The following CALCRL variants were observed in gnomAD, a reference collection of about 807,000 sequenced individuals.
CALCRL encodes calcitonin receptor like receptor.
CALCRL carries 27 observed loss-of-function variants against 60.4 expected under a neutral mutation model. The observed-to-expected ratio is 0.45, with a 90% CI of 0.33 to 0.62. CALCRL has a LOEUF of 0.62. Among genes scored for constraint, CALCRL ranks in the 20% least tolerant of loss-of-function variants. CALCRL has a pLI of 0.03. For missense variants in CALCRL, 424 were observed against 540.7 expected, an observed-to-expected ratio of 0.78 and a Z score of 2.14; for synonymous variants, 190 against 182.6, an observed-to-expected ratio of 1.04 and a Z score of -0.33.
intron 1 of CALCRL, among the ~76,000 whole-genome samples, chr2:187,408,795 TA>T (rs1214352171): frequency 6.6e-6 from 1 of 152,092 alleles, no homozygotes; most frequent in Non-Finnish European, 1.5e-5. Context: ...CAGCCAGAGT[TA>T]AAAAATAGCT....
chr2:187,378,799 ATCAACTTATT>A (rs1373802036), intron 8 of CALCRL, 131 bp downstream of exon 8: 105 of 541,222 alleles, frequency 1.9e-4, no homozygotes, highest in African/African-American at 1.7e-3. Flanking sequence ...CAAAGCTAAG[ATCAACTTATT>A]TCAACTTATT....
chr2:187,351,365 C>A (rs1218283057), intron 14 of CALCRL, among the ~76,000 whole-genome samples: 3 of 151,598 alleles, frequency 2.0e-5, no homozygotes, highest in African/African-American at 7.3e-5. Context: ...GGATAAAAAT[C>A]TAGAAGTACT....
rs1688266771 is a variant in CALCRL, at chr2:187,387,744, C to T, written c.-280G>A. 2 of 396,702 alleles carry T rather than the reference C, an allele frequency of 5.0e-6. No individual in the cohort carries two copies. Among genetic ancestry groups the T allele is most frequent in the Non-Finnish European group, 8.9e-6 (2 of 225,012 alleles). The allele number at this position is 396,702 out of a possible 1,614,324, so 24.6% of individuals were successfully genotyped here. Reference sequence around the variant, plus strand: ...ATTGTCTTTAAGAATTTCTTAAATTCAGGGGTCAAGACCTGAAATATTGAT... The same window carrying T: ...ATTGTCTTTAAGAATTTCTTAAATTTAGGGGTCAAGACCTGAAATATTGAT... On this transcript the variant is annotated 5_prime_UTR_variant, in exon 2 of 15. Coordinates refer to ENST00000392370, the MANE Select transcript of CALCRL (RefSeq NM_005795.6).
chr2:187,389,069 C>CTTTT (rs35822000), intron 1 of CALCRL, among the ~76,000 whole-genome samples: 13 of 140,130 alleles, frequency 9.3e-5, no homozygotes, highest in Non-Finnish European at 1.5e-4. Flanking sequence ...ACTTCTTCTT[C>CTTTT]TTTTTTTTTT....
intron 8 of CALCRL, among the ~76,000 whole-genome samples, chr2:187,376,898 G>A (rs1341256603): frequency 6.6e-6 from 1 of 152,062 alleles, no homozygotes; most frequent in Non-Finnish European, 1.5e-5. Flanking sequence ...ACTTTCAGCT[G>A]TATTAGTTTT....
chr2:187,441,321 A>C (rs1178519693), intron 1 of CALCRL, among the ~76,000 whole-genome samples: 1 of 152,054 alleles, frequency 6.6e-6, no homozygotes, highest in African/African-American at 2.4e-5. Flanking sequence ...AGACATTAAG[A>C]GATCTGATTT....
At chr2:187,364,726 C>CTA (rs1687204462) in intron 8 of CALCRL, among the ~76,000 whole-genome samples, 1 of 152,062 alleles carries the variant, frequency 6.6e-6, no homozygotes, top group African/African-American at 2.4e-5. Flanking sequence ...GTCTGTGATT[C>CTA]TATATATAGC....
At chr2:187,361,168 CA>C (rs981333137) in intron 9 of CALCRL, among the ~76,000 whole-genome samples, 1 of 10,778 alleles carries the variant, frequency 9.3e-5, no homozygotes, top group Non-Finnish European at 1.8e-4. Context: ...TAAAAGTGCC[CA>C]AATACTTGAA....
chr2:187,344,866 C>T lies in CALCRL; in HGVS notation c.*1318G>A, dbSNP rs1249299213. The T allele has an allele frequency of 1.3e-5, 2 of 151,564 alleles. No homozygotes were observed. The highest frequency in any genetic ancestry group is 1.9e-4 in the East Asian group (1 of 5,176). The allele number at this position is 151,564 out of a possible 1,614,324, so 9.4% of individuals were successfully genotyped here. On this transcript the variant is annotated 3_prime_UTR_variant, in exon 15 of 15. Coordinates refer to ENST00000392370, the MANE Select transcript of CALCRL (RefSeq NM_005795.6). Reference sequence around the variant, plus strand: ...ATAAAAGTAGCAGATTGGTATTTATCACAGTAGTTGTTTAAAATTTCTGGA... The same window carrying T: ...ATAAAAGTAGCAGATTGGTATTTATTACAGTAGTTGTTTAAAATTTCTGGA...
At chr2:187,439,075 G>C (rs979155872) in intron 1 of CALCRL, among the ~76,000 whole-genome samples, 5 of 151,942 alleles carry the variant, frequency 3.3e-5, no homozygotes, top group Non-Finnish European at 7.4e-5. Flanking sequence ...AACAGTTTTG[G>C]GGCACCTAAT....
chr2:187,435,022 C>T (rs1047450263), intron 1 of CALCRL, among the ~76,000 whole-genome samples: 3 of 152,148 alleles, frequency 2.0e-5, no homozygotes, highest in African/African-American at 4.8e-5. Flanking sequence ...GTGAGTCAAT[C>T]AGGGAAGAAC....
At chr2:187,386,704 CT>C (rs1341738191) in intron 3 of CALCRL, among the ~76,000 whole-genome samples, 2 of 22,330 alleles carry the variant, frequency 9.0e-5, no homozygotes, top group Admixed American at 1.1e-3. Flanking sequence ...GTAGCCATAA[CT>C]AAATGATATG....
intron 1 of CALCRL, among the ~76,000 whole-genome samples, chr2:187,394,306 A>G (rs377044745): frequency 2.0e-5 from 3 of 152,082 alleles, no homozygotes; most frequent in African/African-American, 7.2e-5. Flanking sequence ...CCCAGAGTCT[A>G]CAAAAGGGAA....
intron 8 of CALCRL, among the ~76,000 whole-genome samples, chr2:187,371,172 C>T (rs1450672604): frequency 2.6e-5 from 4 of 150,948 alleles, no homozygotes; most frequent in South Asian, 4.2e-4. Context: ...TGAACCTGGG[C>T]GGGAGCTTGC....
At chr2:187,439,570 A>G (rs1379801507) in intron 1 of CALCRL, among the ~76,000 whole-genome samples, 1 of 152,180 alleles carries the variant, frequency 6.6e-6, no homozygotes, top group Admixed American at 6.6e-5. Flanking sequence ...TTAGTATTAC[A>G]GGAAAAAAGG....
At chr2:187,409,054 C>T (rs1689250808) in intron 1 of CALCRL, among the ~76,000 whole-genome samples, 1 of 152,160 alleles carries the variant, frequency 6.6e-6, no homozygotes, top group African/African-American at 2.4e-5. Flanking sequence ...TCTTCCCTTT[C>T]TTTCTTCCAA....
At chr2:187,415,424 G>C (rs1311491264) in intron 1 of CALCRL, 4 of 222,494 alleles carry the variant, frequency 1.8e-5, no homozygotes, top group African/African-American at 7.0e-5. Flanking sequence ...TTTAAAAGGT[G>C]GCATGCTTGA....
intron 1 of CALCRL, among the ~76,000 whole-genome samples, chr2:187,411,856 C>T (rs1462252753): frequency 6.6e-6 from 1 of 150,750 alleles, no homozygotes; most frequent in Non-Finnish European, 1.5e-5. Context: ...ATTAGCCAGG[C>T]GTGGTGGCGG....
At chr2:187,393,605 G>A (rs1367070498) in intron 1 of CALCRL, among the ~76,000 whole-genome samples, 4 of 152,008 alleles carry the variant, frequency 2.6e-5, no homozygotes, top group Admixed American at 2.6e-4. Context: ...CATCTCCGGG[G>A]CTACACACCC....
Sources: gnomAD v4.1 joint callset for allele counts (sites outside exome capture counted in the v4.1 genomes callset) on GRCh38, gnomAD v4.1.1 for gene constraint, MANE v1.5 for transcripts, NCBI Gene and HGNC (gene_info 2026-07-23, HGNC 2026-07-21) for gene names.